KPNA3: variants seen among roughly 807,000 people sequenced by gnomAD.
KPNA3 encodes the protein importin subunit alpha-4.
In KPNA3, 13 loss-of-function variants were observed where a neutral mutation model predicts 73.8. The observed-to-expected ratio is 0.18, with a 90% CI of 0.11 to 0.28. The LOEUF (loss-of-function observed/expected upper bound fraction) is 0.28. Among genes scored for constraint, KPNA3 ranks in the 10% least tolerant of loss-of-function variants. The pLI is 1.00. For synonymous variants in KPNA3, 186 were observed against 206.9 expected (o/e 0.90, Z 0.87); for missense variants, 360 against 618.1 (o/e 0.58, Z 4.43).
intron 1 of KPNA3, among the ~76,000 whole-genome samples, chr13:49,777,907 G>A (rs1205588671): frequency 6.6e-6 from 1 of 151,880 alleles, no homozygotes. Flanking sequence ...AACATCTTTG[G>A]AAGTTAAAAA....
intron 2 of KPNA3, among the ~76,000 whole-genome samples, chr13:49,737,809 C>G (rs1954538264): frequency 6.6e-6 from 1 of 152,106 alleles, no homozygotes; most frequent in African/African-American, 2.4e-5. Flanking sequence ...ATTGTATGTG[C>G]TGGATACTAG....
chr13:49,771,803 A>G (rs1954858305), intron 1 of KPNA3, among the ~76,000 whole-genome samples: 1 of 152,066 alleles, frequency 6.6e-6, no homozygotes, highest in Non-Finnish European at 1.5e-5. Context: ...ACAGGTACAC[A>G]CCATCAGACC....
At chr13:49,781,762 T>C (rs1226945378) in intron 1 of KPNA3, among the ~76,000 whole-genome samples, 1 of 152,170 alleles carries the variant, frequency 6.6e-6, no homozygotes, top group Non-Finnish European at 1.5e-5. Context: ...ACACTGAAAG[T>C]CCTGTATACT....
chr13:49,788,717 CTTTTTTT>C (rs143440962), intron 1 of KPNA3, among the ~76,000 whole-genome samples: 1 of 112,688 alleles, frequency 8.9e-6, no homozygotes, highest in Non-Finnish European at 1.7e-5. Flanking sequence ...GCCAGACCCT[CTTTTTTT>C]TTTTTTTTTT....
chr13:49,725,244 A>C (rs1490445590), intron 7 of KPNA3, among the ~76,000 whole-genome samples, 172 bp downstream of exon 7: 1 of 152,248 alleles, frequency 6.6e-6, no homozygotes, highest in African/African-American at 2.4e-5. Flanking sequence ...CACAATTAAA[A>C]ATTTTTCATG....
chr13:49,726,298 T>A (rs1000089497), intron 6 of KPNA3, among the ~76,000 whole-genome samples: 5 of 152,146 alleles, frequency 3.3e-5, no homozygotes, highest in African/African-American at 1.2e-4. Flanking sequence ...AAAAACAAGA[T>A]CATTATATTT....
At chr13:49,732,492 A>G in intron 5 of KPNA3, 26 bp from the exon 6 acceptor site, 1 of 1,496,206 alleles carries the variant, frequency 6.7e-7, no homozygotes, top group Non-Finnish European at 9.2e-7. Context: ...TGAGAAATTA[A>G]TTGCTATAAT....
Position 49,757,047 on chromosome 13 carries a change from T to A in KPNA3, c.70-10054A>T, listed in dbSNP as rs957144066. ...CTTAAGCCTCACACCTTAAAAAAAATTTAATTCAAAATAAATGTGAAACTA... is the reference window on the plus strand; with the variant it reads ...CTTAAGCCTCACACCTTAAAAAAAAATTAATTCAAAATAAATGTGAAACTA... On this transcript the variant is annotated intron_variant, in intron 1 of 16. Coordinates refer to ENST00000261667, the MANE Select transcript of KPNA3 (RefSeq NM_002267.4). 2.0e-5 allele frequency among the ~76,000 whole-genome samples: 3 copies of A among 152,134 alleles called. No homozygotes were observed. In the East Asian group the frequency reaches 5.8e-4, roughly 29 times the overall value.
intron 1 of KPNA3, among the ~76,000 whole-genome samples, chr13:49,758,443 A>G (rs1222996413): frequency 2.6e-5 from 4 of 152,180 alleles, no homozygotes; most frequent in Non-Finnish European, 5.9e-5. Flanking sequence ...GAGAACTACC[A>G]GGAAAACTCC....
intron 12 of KPNA3, among the ~76,000 whole-genome samples, chr13:49,707,403 T>C (rs77134461): frequency 0.02 from 3,060 of 152,306 alleles, 41 homozygotes; most frequent in South Asian, 0.03. Context: ...TTTTTGTAGA[T>C]TTAAAAAGTT....
At position 49,722,583 on chromosome 13, in the gene KPNA3, A is replaced by G. The variant is rs2137545086; in HGVS notation, c.470-20T>C. The G allele has an allele frequency of 1.4e-6, 2 of 1,432,468 alleles. No individual in the cohort carries two copies. Among genetic ancestry groups the G allele is most frequent in the Middle Eastern group, 3.5e-4 (2 of 5,726 alleles). 88.7% of individuals were successfully genotyped at this position (1,432,468 alleles called of 1,614,324 possible). ...CTGCATCTGTAATAAAGAAAAACTA[A>G]TATTTATACTAGCAACATGTTGAAG... On this transcript the variant is annotated intron_variant, in intron 7 of 16. Transcript: ENST00000261667.
In KPNA3 at chr13:49,701,993, A is replaced by G. The variant is rs1015203410; in HGVS notation, c.1468-95T>C. On this transcript the variant is annotated intron_variant, in intron 16 of 16. Transcript: ENST00000261667. ...TTTTTACCTCTTAGCAAATAATTCT[A>G]TGTGAATGCTTTAACCAACTAAAAA... 6.9e-5 allele frequency: 51 copies of G among 744,340 alleles called. No individual in the cohort carries two copies. The East Asian group carries it at 1.3e-3, about 19-fold the overall frequency. 46.1% of individuals were successfully genotyped at this position (744,340 alleles called of 1,614,324 possible).
intron 1 of KPNA3, among the ~76,000 whole-genome samples, chr13:49,762,169 C>T (rs1403228403): frequency 2.7e-5 from 4 of 150,354 alleles, no homozygotes; most frequent in Admixed American, 6.6e-5. Context: ...GCAGCCCCCG[C>T]CCGGCCAGCC....
chr13:49,713,426 T>C (rs1430118111), intron 10 of KPNA3, among the ~76,000 whole-genome samples: 3 of 151,962 alleles, frequency 2.0e-5, no homozygotes, highest in African/African-American at 2.4e-5. Flanking sequence ...TGAATATATA[T>C]TGAACTTTAT....
intron 4 of KPNA3, 27 bp downstream of exon 4, chr13:49,732,720 A>C: frequency 6.3e-7 from 1 of 1,588,366 alleles, no homozygotes; most frequent in Non-Finnish European, 8.6e-7. Context: ...AATACTTCAA[A>C]ACGAGAGTAT....
intron 11 of KPNA3, 56 bp downstream of exon 11, chr13:49,710,835 A>T: frequency 6.8e-7 from 1 of 1,477,834 alleles, no homozygotes; most frequent in Non-Finnish European, 9.3e-7. Context: ...TGTACAAGTT[A>T]ACTGGTTATA....
At chr13:49,762,718 C>T (rs1354653113) in intron 1 of KPNA3, among the ~76,000 whole-genome samples, 24 of 152,060 alleles carry the variant, frequency 1.6e-4, no homozygotes, top group Admixed American at 1.6e-3. Flanking sequence ...CCCAGGGACA[C>T]AAACACTGCG....
intron 1 of KPNA3, among the ~76,000 whole-genome samples, chr13:49,759,247 ATTTAT>A (rs1954737950): frequency 6.6e-6 from 1 of 152,230 alleles, no homozygotes; most frequent in Non-Finnish European, 1.5e-5. Flanking sequence ...AGAATCAAGC[ATTTAT>A]TTTACTGTTT....
In KPNA3 at chr13:49,761,362, C is replaced by A. The variant is rs560198877; in HGVS notation, c.70-14369G>T. ...TGCCTGATTCTCCCGCCTCAGCCTG[C>A]CGAGTGCCTGCGATTGCAGGCGCAC... On this transcript the variant is annotated intron_variant, in intron 1 of 16. Coordinates refer to ENST00000261667, the MANE Select transcript of KPNA3 (RefSeq NM_002267.4). Among the ~76,000 whole-genome samples the A allele has an allele frequency of 2.0e-5, 3 of 152,334 alleles. No individual in the cohort carries two copies. In the South Asian group the frequency reaches 6.2e-4, roughly 32 times the overall value.
Sources: allele counts gnomAD v4.1 joint callset (sites outside exome capture counted in the v4.1 genomes callset), GRCh38; gene constraint gnomAD v4.1.1; transcripts MANE v1.5; gene names NCBI Gene and HGNC (gene_info 2026-07-23, HGNC 2026-07-21).